Variants in LGR6 observed in about 807,000 individuals in gnomAD.
LGR6 encodes the protein leucine-rich repeat-containing G protein-coupled receptor 6.
Under a neutral mutation model 69.4 loss-of-function variants are expected in LGR6, and 45 were observed. The ratio of observed to expected loss-of-function variants is 0.65; its 90% CI spans 0.51 to 0.83. The LOEUF (loss-of-function observed/expected upper bound fraction) is 0.83, where lower values mean the gene tolerates loss of function less well. Ranked by LOEUF, LGR6 falls within the 40% of genes least tolerant of loss-of-function variation. The pLI is 0.00. For synonymous variants in LGR6, 538 were observed against 555.0 expected (o/e 0.97, Z 0.43); for missense variants, 1,108 against 1,246.7 (o/e 0.89, Z 1.68).
chr1:202,244,245 C>T (rs1054119646), intron 4 of LGR6, among the ~76,000 whole-genome samples: 2 of 152,198 alleles, frequency 1.3e-5, no homozygotes, highest in Non-Finnish European at 2.9e-5. Flanking sequence ...GCTTGAGCCA[C>T]CACGCCCAGC....
At chr1:202,246,733 A>G (rs1280908676) in intron 4 of LGR6, among the ~76,000 whole-genome samples, 1 of 152,194 alleles carries the variant, frequency 6.6e-6, no homozygotes, top group Admixed American at 6.5e-5. Context: ...AGAATTGACT[A>G]AAATGATGAA....
intron 3 of LGR6, among the ~76,000 whole-genome samples, chr1:202,228,940 T>C (rs1660786987): frequency 6.6e-6 from 1 of 152,168 alleles, no homozygotes; most frequent in South Asian, 2.1e-4. Context: ...GTCTCCTTTG[T>C]ACAGTTGAGC....
At chr1:202,266,320 C>T (rs1470557909) in intron 4 of LGR6, among the ~76,000 whole-genome samples, 1 of 152,020 alleles carries the variant, frequency 6.6e-6, no homozygotes, top group Non-Finnish European at 1.5e-5. Context: ...TATAGGCTCT[C>T]GGACGGACAG....
At chr1:202,313,222 A>G (rs1421444213) in intron 16 of LGR6, among the ~76,000 whole-genome samples, 3 of 151,054 alleles carry the variant, frequency 2.0e-5, no homozygotes, top group Non-Finnish European at 4.4e-5. Flanking sequence ...GCGAGACTCC[A>G]TCTCAAAAAA....
chr1:202,303,614 C>T (rs1419262391), intron 10 of LGR6, among the ~76,000 whole-genome samples: 5 of 152,140 alleles, frequency 3.3e-5, no homozygotes, highest in Admixed American at 2.0e-4. Flanking sequence ...AGCTCCTAAC[C>T]CCAAGCCACA....
At chr1:202,286,015 T>C (rs1196138491) in intron 6 of LGR6, among the ~76,000 whole-genome samples, 4 of 152,188 alleles carry the variant, frequency 2.6e-5, no homozygotes, top group African/African-American at 9.7e-5. Flanking sequence ...CCTTTTTTGT[T>C]TTCTTCTGTG....
intron 5 of LGR6, among the ~76,000 whole-genome samples, chr1:202,276,783 A>G (rs1249244138): frequency 6.6e-6 from 1 of 152,238 alleles, no homozygotes; most frequent in Non-Finnish European, 1.5e-5. Flanking sequence ...GAAAATAGGA[A>G]TTAAGCCATT....
Position 202,194,019 on chromosome 1 carries a change from A to T in LGR6, c.30A>T (p.Leu10=). 1 of 1,387,536 alleles carries T rather than the reference A, an allele frequency of 7.2e-7. No individual in the cohort carries two copies. Among genetic ancestry groups the T allele is most frequent in the South Asian group, 1.6e-5 (1 of 63,274 alleles). 86.0% of individuals were successfully genotyped at this position (1,387,536 alleles called of 1,614,324 possible). A position where few individuals can be genotyped will look rare whatever the true frequency, so the allele number is the denominator to read the frequency against. MPSPPGLRA[L]WLCAALCASR... Reference sequence around the variant, plus strand: ...CCAGCCCGCCGGGGCTCCGGGCGCTATGGCTTTGCGCCGCGCTGTGCGCTT... The same window carrying T: ...CCAGCCCGCCGGGGCTCCGGGCGCTTTGGCTTTGCGCCGCGCTGTGCGCTT... Residue 10 remains leucine, a synonymous_variant, in exon 1 of 18, where the codon CTA becomes CTT. Coordinates refer to ENST00000367278, the MANE Select transcript of LGR6 (RefSeq NM_001017403.2).
intron 16 of LGR6, among the ~76,000 whole-genome samples, chr1:202,313,213 C>T (rs1489103011): frequency 1.4e-5 from 2 of 147,318 alleles, no homozygotes; most frequent in Non-Finnish European, 1.5e-5. Context: ...GGCAACAGAG[C>T]GAGACTCCAT....
Position 202,276,482 on chromosome 1 carries a change from C to T in LGR6, c.605C>T (p.Pro202Leu), listed in dbSNP as rs768569665. The stretch of plus-strand genomic sequence containing the variant: ...GCCCTCAACCGCATCAGCCACATCC[C>T]CGACTACGCGTTCCAGAATCTCACC... ...TLALNRISHI[P>L]DYAFQNLTSL... Residue 202 changes from proline to leucine, a missense_variant, in exon 5 of 18, where the codon CCC becomes CTC. By Grantham distance (98) the Pro-to-Leu change is moderately conservative (BLOSUM62 -3). Transcript: ENST00000367278. 1 of 1,614,168 alleles carries T rather than the reference C, an allele frequency of 6.2e-7. No individual in the cohort carries two copies. Among genetic ancestry groups the T allele is most frequent in the Non-Finnish European group, 8.5e-7 (1 of 1,180,036 alleles).
rs529293212 is a variant in LGR6 at position 202,313,176 on chromosome 1, G to A, written c.1568-1626G>A. Among the ~76,000 whole-genome samples the A allele has an allele frequency of 5.1e-4, 77 of 151,128 alleles. 1 individual carries two copies. In the East Asian group the frequency reaches 8.8e-3, roughly 17 times the overall value. ...CAGGAGGCAGAGCTTGCAGTGAGCC[G>A]AGATCATGCCACTGCACTCCAGCCT... On this transcript the variant is annotated intron_variant, in intron 16 of 17. Transcript: ENST00000367278.
intron 4 of LGR6, among the ~76,000 whole-genome samples, chr1:202,272,181 AC>A (rs1665159096): frequency 6.6e-6 from 1 of 152,230 alleles, no homozygotes; most frequent in Non-Finnish European, 1.5e-5. Context: ...CCCAAATATT[AC>A]ACAGGACATA....
intron 4 of LGR6, among the ~76,000 whole-genome samples, chr1:202,270,257 T>G (rs909715220): frequency 1.3e-5 from 2 of 152,042 alleles, no homozygotes; most frequent in African/African-American, 4.8e-5. Context: ...GTTTTTTTTT[T>G]TTGAGACAGA....
At chr1:202,243,109 C>T (rs1662348715) in intron 4 of LGR6, among the ~76,000 whole-genome samples, 1 of 151,554 alleles carries the variant, frequency 6.6e-6, no homozygotes, top group Non-Finnish European at 1.5e-5. Context: ...GCTGGGCTGC[C>T]TCTCAAGAGC....
chr1:202,230,650 G>C (rs1048406652), intron 3 of LGR6, among the ~76,000 whole-genome samples: 1 of 152,172 alleles, frequency 6.6e-6, no homozygotes, highest in Non-Finnish European at 1.5e-5. Flanking sequence ...GCATGTGTGC[G>C]TGTGTGTGTC....
At chr1:202,219,356 C>T (rs546424961) in intron 1 of LGR6, among the ~76,000 whole-genome samples, 3 of 152,288 alleles carry the variant, frequency 2.0e-5, no homozygotes, top group South Asian at 4.1e-4. Flanking sequence ...CTGGGCAGCC[C>T]GTTAAGCCCT....
At chr1:202,204,640 C>A (rs1341661737) in intron 1 of LGR6, among the ~76,000 whole-genome samples, 38 of 43,182 alleles carry the variant, frequency 8.8e-4, no homozygotes, top group South Asian at 2.0e-3. Context: ...CACACACCTC[C>A]AAACACACAC....
chr1:202,272,082 C>T (rs895008504), intron 4 of LGR6, among the ~76,000 whole-genome samples: 1 of 152,174 alleles, frequency 6.6e-6, no homozygotes, highest in Middle Eastern at 3.2e-3. Context: ...CCCCCTGGGT[C>T]AGAGCTGCCA....
intron 17 of LGR6, among the ~76,000 whole-genome samples, chr1:202,316,791 C>T (rs1481563309): frequency 1.3e-5 from 2 of 152,026 alleles, no homozygotes; most frequent in Non-Finnish European, 2.9e-5. Context: ...CCCAAGCTAC[C>T]AAGAAACACA....
Sources: gnomAD v4.1 joint callset for allele counts (sites outside exome capture counted in the v4.1 genomes callset) on GRCh38, gnomAD v4.1.1 for gene constraint, MANE v1.5 for transcripts, NCBI Gene and HGNC (gene_info 2026-07-23, HGNC 2026-07-21) for gene names.